Variants in TMEM132D observed in about 807,000 individuals in gnomAD.
TMEM132D encodes transmembrane protein 132D.
TMEM132D carries 21 observed loss-of-function variants against 62.3 expected under a neutral mutation model. The observed-to-expected ratio is 0.34, with a 90% CI of 0.24 to 0.49. The LOEUF (loss-of-function observed/expected upper bound fraction) is 0.49. Ranked by LOEUF, TMEM132D falls within the 20% of genes least tolerant of loss-of-function variation. The probability of loss-of-function intolerance (pLI) is 0.99; values close to 1 mark genes in which losing one functional copy is unlikely to be tolerated. For missense variants in TMEM132D, 1,346 were observed against 1,402.8 expected, an observed-to-expected ratio of 0.96 and a Z score of 0.65; for synonymous variants, 621 against 575.6, an observed-to-expected ratio of 1.08 and a Z score of -1.13.
chr12:129,085,040 C>A, intron 5 of TMEM132D: 1 of 433,496 alleles, frequency 2.3e-6, no homozygotes, highest in Non-Finnish European at 4.0e-6. Flanking sequence ...AGCTGTGTCC[C>A]TCAGAGTTAC....
At position 129,700,167 on chromosome 12, in the gene TMEM132D, C is replaced by A. The variant is rs1467173812; in HGVS notation, c.611G>T (p.Ser204Ile). ...AELELLSSWFSPPTVVAGRRK... is the reference protein window; with the variant it reads ...AELELLSSWFIPPTVVAGRRK... ...CCTCCCGGCAACCACCGTGGGGGGG[C>A]TGAACCAGCTGGACAGGAGCTCCAG... is the stretch of plus-strand genomic sequence containing the variant. Residue 204 changes from serine to isoleucine, a missense_variant, in exon 2 of 9, where the codon AGC (serine) becomes ATC (isoleucine). By Grantham distance (142) the Ser-to-Ile change is moderately radical (BLOSUM62 -2). Coordinates refer to ENST00000422113, the MANE Select transcript of TMEM132D (RefSeq NM_133448.3). 2.5e-6 allele frequency: 4 copies of A among 1,612,994 alleles called. No homozygotes were observed. The highest frequency in any genetic ancestry group is 1.3e-5 in the African/African-American group (1 of 75,050).
At chr12:129,689,932 C>T (rs543792760) in intron 2 of TMEM132D, among the ~76,000 whole-genome samples, 4 of 152,214 alleles carry the variant, frequency 2.6e-5, no homozygotes, top group East Asian at 1.9e-4. Context: ...TAGGACAAAG[C>T]GCCACTCCCA....
chr12:129,848,673 G>A (rs1016976008), intron 1 of TMEM132D, among the ~76,000 whole-genome samples: 2 of 152,140 alleles, frequency 1.3e-5, no homozygotes, highest in African/African-American at 4.8e-5. Flanking sequence ...TTTTTGATGA[G>A]TTACTTTAAT....
rs1390758302 is a variant in TMEM132D at position 129,347,199 on chromosome 12, A to G, written c.1116-9382T>C. Among the ~76,000 whole-genome samples, 4 of 152,184 alleles carry G rather than the reference A, an allele frequency of 2.6e-5. No homozygotes were observed. In the South Asian group the frequency reaches 8.3e-4, roughly 32 times the overall value. ...CATTGACTTTCTTCACAGAACTAGA[A>G]AAAAACTACTTTAAATTTCATATGG... is the stretch of plus-strand genomic sequence containing the variant. On this transcript the variant is annotated intron_variant, in intron 3 of 8. Transcript: ENST00000422113.
intron 1 of TMEM132D, among the ~76,000 whole-genome samples, chr12:129,712,540 C>T (rs545330543): frequency 2.6e-5 from 4 of 152,330 alleles, no homozygotes; most frequent in African/African-American, 4.8e-5. Flanking sequence ...GAGCTTGCTG[C>T]GCTCCTGAAA....
At chr12:129,291,059 G>T (rs1324146850) in intron 4 of TMEM132D, among the ~76,000 whole-genome samples, 1 of 152,122 alleles carries the variant, frequency 6.6e-6, no homozygotes, top group Non-Finnish European at 1.5e-5. Flanking sequence ...AGAACTACTG[G>T]ACTACACTGA....
intron 4 of TMEM132D, among the ~76,000 whole-genome samples, chr12:129,247,424 C>T (rs961775462): frequency 6.6e-6 from 1 of 152,156 alleles, no homozygotes; most frequent in Non-Finnish European, 1.5e-5. Flanking sequence ...AGTCTATCTA[C>T]CGTGGGAAAT....
intron 2 of TMEM132D, among the ~76,000 whole-genome samples, chr12:129,548,040 G>A (rs969648966): frequency 6.6e-6 from 1 of 152,152 alleles, no homozygotes; most frequent in South Asian, 2.1e-4. Context: ...CATGGATACC[G>A]CCAGGCTACA....
chr12:129,337,976 C>T (rs1869349016), intron 3 of TMEM132D, among the ~76,000 whole-genome samples, 159 bp from the exon 4 acceptor site: 2 of 152,248 alleles, frequency 1.3e-5, no homozygotes, highest in African/African-American at 2.4e-5. Context: ...CATTCCAAAA[C>T]GAACAAAGGA....
chr12:129,086,199 C>CGT (rs370714970), intron 5 of TMEM132D, among the ~76,000 whole-genome samples: 7,797 of 116,108 alleles, frequency 0.067, 622 homozygotes, highest in African/African-American at 0.22. Flanking sequence ...GTCACGCGCG[C>CGT]GCGTGTGTGT....
At chr12:129,332,778 G>T (rs915872817) in intron 4 of TMEM132D, among the ~76,000 whole-genome samples, 4 of 152,188 alleles carry the variant, frequency 2.6e-5, no homozygotes, top group African/African-American at 9.7e-5. Flanking sequence ...TGGTAAACTA[G>T]TAAGAGTACC....
chr12:129,406,896 T>C (rs766791288), intron 3 of TMEM132D, among the ~76,000 whole-genome samples: 75 of 152,338 alleles, frequency 4.9e-4, no homozygotes, highest in Non-Finnish European at 6.9e-4. Flanking sequence ...GTCTGCAGCC[T>C]CTTAATTTTC....
intron 5 of TMEM132D, among the ~76,000 whole-genome samples, chr12:129,138,665 G>A (rs1345938138): frequency 6.6e-6 from 1 of 152,224 alleles, no homozygotes; most frequent in South Asian, 2.1e-4. Flanking sequence ...AGGTTGCAAT[G>A]AGCCAAGATC....
chr12:129,333,223 A>G (rs2135653170), intron 4 of TMEM132D, among the ~76,000 whole-genome samples: 1 of 152,378 alleles, frequency 6.6e-6, no homozygotes, highest in South Asian at 2.1e-4. Flanking sequence ...AATGGGTATC[A>G]CTATGCATAG....
intron 5 of TMEM132D, among the ~76,000 whole-genome samples, chr12:129,104,613 A>G (rs1175613703): frequency 2.6e-5 from 4 of 152,022 alleles, no homozygotes; most frequent in South Asian, 2.1e-4. Flanking sequence ...GCAACCTACA[A>G]AATGGGAGAA....
chr12:129,376,048 G>C (rs1870770778), intron 3 of TMEM132D, among the ~76,000 whole-genome samples: 1 of 152,220 alleles, frequency 6.6e-6, no homozygotes, highest in Non-Finnish European at 1.5e-5. Flanking sequence ...GTTGGAACTA[G>C]GGTGAGAATG....
intron 1 of TMEM132D, among the ~76,000 whole-genome samples, chr12:129,817,456 TC>T (rs1872380024): frequency 2.8e-5 from 2 of 71,662 alleles, no homozygotes; most frequent in Admixed American, 1.6e-4. Flanking sequence ...CACCAACCGC[TC>T]GCTCTCTCTC....
chr12:129,672,041 G>A (rs1880512484), intron 2 of TMEM132D, among the ~76,000 whole-genome samples: 1 of 152,184 alleles, frequency 6.6e-6, no homozygotes, highest in Admixed American at 6.5e-5. Flanking sequence ...ACCTGATCGT[G>A]CAAAAATGCA....
intron 2 of TMEM132D, among the ~76,000 whole-genome samples, chr12:129,648,847 T>A (rs1185424821): frequency 6.6e-6 from 1 of 151,860 alleles, no homozygotes; most frequent in African/African-American, 2.4e-5. Context: ...ATAAATAGGG[T>A]TTTTCCTTTA....
Sources: gnomAD v4.1 joint callset for allele counts (sites outside exome capture counted in the v4.1 genomes callset) on GRCh38, gnomAD v4.1.1 for gene constraint, MANE v1.5 for transcripts, NCBI Gene and HGNC (gene_info 2026-07-23, HGNC 2026-07-21) for gene names.